AFAP1: variants seen among roughly 807,000 people sequenced by gnomAD.
AFAP1 encodes actin filament-associated protein 1.
A neutral mutation model predicts 93.9 loss-of-function variants in AFAP1; 75 were observed. The observed-to-expected ratio is 0.80, with a 90% CI of 0.66 to 0.97. The LOEUF is 0.97. Among genes scored for constraint, AFAP1 ranks in the 50% least tolerant of loss-of-function variants. The pLI, the probability that AFAP1 is intolerant of heterozygous loss-of-function variation, is 0.00. For synonymous variants in AFAP1, 517 were observed against 430.7 expected (o/e 1.20, Z -2.48); for missense variants, 1,201 against 1,050.8 (o/e 1.14, Z -1.98).
intron 3 of AFAP1, among the ~76,000 whole-genome samples, chr4:7,863,196 G>A (rs896829862): frequency 6.6e-6 from 1 of 152,182 alleles, no homozygotes; most frequent in Non-Finnish European, 1.5e-5. Flanking sequence ...TGTGTGGACT[G>A]CCTGAGCCCA....
Position 7,860,285 on chromosome 4 carries a change from G to A in AFAP1, c.226-4711C>T, listed in dbSNP as rs959147220. On this transcript the variant is annotated intron_variant, in intron 3 of 17. Coordinates refer to ENST00000420658, the MANE Select transcript of AFAP1 (RefSeq NM_001134647.2). ...TGATTTTGTGTGTGTGTGTGTATATGTGTGACAGGGGGGTGGATTTGGAAT... is the reference window on the plus strand; with the variant it reads ...TGATTTTGTGTGTGTGTGTGTATATATGTGACAGGGGGGTGGATTTGGAAT... 2.0e-5 allele frequency among the ~76,000 whole-genome samples: 3 copies of A among 148,952 alleles called. No homozygotes were observed. The East Asian group carries it at 7.8e-4, about 39-fold the overall frequency.
chr4:7,792,772 C>A (rs986534853), intron 11 of AFAP1, among the ~76,000 whole-genome samples: 1 of 151,480 alleles, frequency 6.6e-6, no homozygotes, highest in African/African-American at 2.4e-5. Flanking sequence ...TGTCTACTAT[C>A]TGATCCTTTA....
At chr4:7,833,809 C>T (rs11728891) in intron 6 of AFAP1, among the ~76,000 whole-genome samples, 12,975 of 151,786 alleles carry the variant, frequency 0.085, 1,177 homozygotes, top group East Asian at 0.49. Context: ...AGGATAGTCC[C>T]GATCTCCTGA....
At chr4:7,884,153 C>G (rs1718013046) in intron 1 of AFAP1, among the ~76,000 whole-genome samples, 1 of 152,176 alleles carries the variant, frequency 6.6e-6, no homozygotes, top group East Asian at 1.9e-4. Flanking sequence ...TGTGAGACAC[C>G]TGCTCCCCCC....
Position 7,763,610 on chromosome 4 carries a change from G to A in AFAP1, c.*155C>T. 1.4e-6 allele frequency: 1 copy of A among 738,602 alleles called. No individual in the cohort carries two copies. The highest frequency in any genetic ancestry group is 2.9e-5 in the Admixed American group (1 of 33,932). 45.8% of individuals were successfully genotyped at this position (738,602 alleles called of 1,614,324 possible). A position where few individuals can be genotyped will look rare whatever the true frequency, so the allele number is the denominator to read the frequency against. On this transcript the variant is annotated 3_prime_UTR_variant, in exon 18 of 18. Coordinates refer to ENST00000420658, the MANE Select transcript of AFAP1 (RefSeq NM_001134647.2). ...TTTACAGTAGAAAGAATACAAGTGG[G>A]CCTGGGGGACAGGCACTGGCCTCAG...
chr4:7,938,955 G>T (rs1025216972), intron 1 of AFAP1: 1 of 152,072 alleles, frequency 6.6e-6, no homozygotes, highest in Admixed American at 6.5e-5. Context: ...TCCACCCGCC[G>T]GGCAGGTGAG....
At chr4:7,781,670 A>C in intron 12 of AFAP1, 43 bp from the exon 13 acceptor site, 7 of 1,545,258 alleles carry the variant, frequency 4.5e-6, no homozygotes, top group Non-Finnish European at 6.1e-6. Flanking sequence ...TGGACACAGG[A>C]AACAGCAGCT....
chr4:7,810,970 G>A (rs1467284967), intron 8 of AFAP1, among the ~76,000 whole-genome samples: 1 of 152,218 alleles, frequency 6.6e-6, no homozygotes, highest in African/African-American at 2.4e-5. Flanking sequence ...CAGGGATCAG[G>A]CAAGAAATCA....
At chr4:7,819,234 T>C (rs1720751740) in intron 6 of AFAP1, 63 bp from the exon 7 acceptor site, 7 of 1,452,868 alleles carry the variant, frequency 4.8e-6, no homozygotes, top group Admixed American at 2.0e-5. Context: ...AGGCTTGAAC[T>C]GTGAGTTGTA....
intron 1 of AFAP1, among the ~76,000 whole-genome samples, chr4:7,901,562 G>A (rs571382748): frequency 6.6e-6 from 1 of 152,346 alleles, no homozygotes; most frequent in African/African-American, 2.4e-5. Context: ...AGAAGCTGTG[G>A]CTGAGGCCAT....
intron 6 of AFAP1, among the ~76,000 whole-genome samples, chr4:7,824,040 C>A (rs1250834548): frequency 1.3e-5 from 2 of 152,254 alleles, no homozygotes; most frequent in African/African-American, 4.8e-5. Flanking sequence ...ATGAAACTGT[C>A]TTTCTACTTT....
chr4:7,921,906 C>G (rs191725711), intron 1 of AFAP1, among the ~76,000 whole-genome samples: 45 of 152,180 alleles, frequency 3.0e-4, no homozygotes, highest in African/African-American at 1.0e-3. Flanking sequence ...CAGGCGATCA[C>G]GAGGCCAACA....
chr4:7,787,534 C>T (rs1379953428), intron 11 of AFAP1, among the ~76,000 whole-genome samples: 5 of 152,166 alleles, frequency 3.3e-5, no homozygotes, highest in East Asian at 1.9e-4. Context: ...GGGAGCCTGA[C>T]GCTGCCTCCC....
In AFAP1 at chr4:7,838,563, G is replaced by A. The variant is rs749940830; in HGVS notation, c.687C>T (p.Leu229=). The change falls in exon 6 of 18, where the codon CTC becomes CTT. Residue 229 remains leucine, a synonymous_variant. Transcript: ENST00000420658. ...CGGCCTGTTCCTTGCTCTGGACGGC[G>A]AGAACAAGCGGGTCCGTGCCCTGCT... ...ITQQGTDPLV[L]AVQSKEQAEQ... is the part of the protein sequence containing the mutation. 4.5e-5 allele frequency: 73 copies of A among 1,613,978 alleles called. No homozygotes were observed. Among genetic ancestry groups the A allele is most frequent in the Non-Finnish European group, 6.2e-5 (73 of 1,179,998 alleles).
In AFAP1 at chr4:7,809,994, G is replaced by A. The variant is rs183698503; in HGVS notation, c.905-231C>T. Among the ~76,000 whole-genome samples, 445 of 152,236 alleles carry A rather than the reference G, an allele frequency of 2.9e-3. 2 individuals carry two copies. The highest frequency in any genetic ancestry group is 0.026 in the South Asian group (124 of 4,814). The stretch of plus-strand genomic sequence containing the variant: ...CCACCTTGGCCTCCGGAGTAGCTGG[G>A]ACCACAGGTGCGTGTCACTACGTAG... On this transcript the variant is annotated intron_variant, in intron 8 of 17. Transcript: ENST00000420658.
At chr4:7,824,981 T>C (rs1721297356) in intron 6 of AFAP1, among the ~76,000 whole-genome samples, 1 of 152,220 alleles carries the variant, frequency 6.6e-6, no homozygotes, top group African/African-American at 2.4e-5. Context: ...CTGAACAATA[T>C]GGGATAACAG....
intron 1 of AFAP1, among the ~76,000 whole-genome samples, chr4:7,929,247 G>A (rs1720932746): frequency 1.3e-5 from 2 of 152,158 alleles, no homozygotes; most frequent in South Asian, 4.1e-4. Context: ...TCACTGCCCT[G>A]TGCCACAGCT....
rs183589247 is a variant in AFAP1, at chr4:7,899,232, C to T, written c.-2-27152G>A. On this transcript the variant is annotated intron_variant, in intron 1 of 17. Transcript: ENST00000420658. ...GAACTAAGTTTTGCACCTATAGGCG[C>T]CCCCACTGATATCCTCACAAACTTT... is the stretch of plus-strand genomic sequence containing the variant. Among the ~76,000 whole-genome samples the T allele has an allele frequency of 9.7e-4, 148 of 152,116 alleles. 3 individuals are homozygous for T. Among genetic ancestry groups the T allele is most frequent in the Non-Finnish European group, 1.3e-4 (9 of 68,004 alleles).
At chr4:7,862,011 G>C (rs899781716) in intron 3 of AFAP1, 7 of 152,202 alleles carry the variant, frequency 4.6e-5, no homozygotes, top group African/African-American at 1.7e-4. Flanking sequence ...TGCATCGATG[G>C]GAAGATGGTA....
Sources: gnomAD v4.1 joint callset for allele counts (sites outside exome capture counted in the v4.1 genomes callset) on GRCh38, gnomAD v4.1.1 for gene constraint, MANE v1.5 for transcripts, NCBI Gene and HGNC (gene_info 2026-07-23, HGNC 2026-07-21) for gene names.